The following TAB2 variants were observed in gnomAD, a reference collection of about 807,000 sequenced individuals.
The protein encoded by TAB2 is TGF-beta activated kinase 1 (MAP3K7) binding protein 2, also known as TGF-beta-activated kinase 1 and MAP3K7-binding protein 2.
A neutral mutation model predicts 65.0 loss-of-function variants in TAB2; 3 were observed. That is an observed-to-expected ratio of 0.05 (90% confidence interval 0.02 to 0.12). TAB2 has a LOEUF of 0.12. TAB2 is among the 10% of genes least tolerant of loss of function. The pLI is 1.00. For missense variants in TAB2, 623 were observed against 840.3 expected (o/e 0.74, Z 3.20); for synonymous variants, 298 against 285.1 (o/e 1.05, Z -0.46).
At chr6:149,288,680 T>A (rs1029742672) in intron 1 of TAB2, among the ~76,000 whole-genome samples, 1 of 152,092 alleles carries the variant, frequency 6.6e-6, no homozygotes, top group Non-Finnish European at 1.5e-5. Context: ...TACTAAGCAA[T>A]ACTTGATAGC....
At chr6:149,259,334 T>TACACACAC (rs61261942) in intron 1 of TAB2, among the ~76,000 whole-genome samples, 11,436 of 145,910 alleles carry the variant, frequency 0.078, 632 homozygotes, top group African/African-American at 0.15. Context: ...ACGCTCCCTC[T>TACACACAC]ACACACACAC....
intron 1 of TAB2, among the ~76,000 whole-genome samples, chr6:149,288,859 T>A (rs1778723504): frequency 1.1e-5 from 1 of 87,582 alleles, no homozygotes. Flanking sequence ...TTTTAATTTT[T>A]TTTTTTTTTT....
intron 1 of TAB2, among the ~76,000 whole-genome samples, chr6:149,365,537 T>C (rs1277585977): frequency 6.6e-6 from 1 of 152,200 alleles, no homozygotes; most frequent in Non-Finnish European, 1.5e-5. Flanking sequence ...TCTGTTTCTT[T>C]GGCTGTTTTC....
At chr6:149,303,491 A>G (rs1295483593) in intron 1 of TAB2, among the ~76,000 whole-genome samples, 2 of 152,164 alleles carry the variant, frequency 1.3e-5, no homozygotes, top group Middle Eastern at 3.2e-3. Context: ...TGTTCACATT[A>G]TGTATTTATA....
intron 1 of TAB2, among the ~76,000 whole-genome samples, chr6:149,225,465 C>T (rs967055744): frequency 1.3e-5 from 2 of 152,124 alleles, no homozygotes; most frequent in South Asian, 4.2e-4. Flanking sequence ...CAGAGGTAGT[C>T]CAAGGTTTTT....
chr6:149,266,100 T>C (rs1354890151), intron 1 of TAB2, among the ~76,000 whole-genome samples: 3 of 152,202 alleles, frequency 2.0e-5, no homozygotes, highest in Non-Finnish European at 4.4e-5. Flanking sequence ...CCTTAGAAGA[T>C]AAGTCAAAAC....
At chr6:149,332,337 C>T (rs1439216887) in intron 1 of TAB2, among the ~76,000 whole-genome samples, 1 of 152,148 alleles carries the variant, frequency 6.6e-6, no homozygotes, top group Admixed American at 6.6e-5. Context: ...TTGTTTAAAA[C>T]TATACCTGTG....
chr6:149,247,727 C>T (rs1040692693), intron 1 of TAB2: 3 of 152,234 alleles, frequency 2.0e-5, no homozygotes, highest in Non-Finnish European at 4.4e-5. Context: ...TTTCAGTAAG[C>T]TCGAGCTGTA....
At chr6:149,293,660 T>C (rs1264678776) in intron 1 of TAB2, among the ~76,000 whole-genome samples, 1 of 152,216 alleles carries the variant, frequency 6.6e-6, no homozygotes, top group East Asian at 1.9e-4. Context: ...AGTTAATAAA[T>C]TAGCATTCAT....
At chr6:149,408,447 CACTT>C (rs1300142931) in intron 6 of TAB2, among the ~76,000 whole-genome samples, 1 of 152,132 alleles carries the variant, frequency 6.6e-6, no homozygotes, top group Non-Finnish European at 1.5e-5. Flanking sequence ...TACCAAATAT[CACTT>C]AATTATTTAA....
chr6:149,328,646 G>A (rs1254386785), intron 1 of TAB2, among the ~76,000 whole-genome samples: 2 of 152,146 alleles, frequency 1.3e-5, no homozygotes. Context: ...TTGAGTTCCT[G>A]CTGTGTGCCT....
At chr6:149,275,490 A>G (rs1778455321) in intron 1 of TAB2, among the ~76,000 whole-genome samples, 1 of 152,208 alleles carries the variant, frequency 6.6e-6, no homozygotes, top group East Asian at 1.9e-4. Context: ...AAATAAATTT[A>G]TGGAGAAGAA....
chr6:149,405,107 C>CT (rs1352518645), intron 6 of TAB2, among the ~76,000 whole-genome samples: 1 of 152,022 alleles, frequency 6.6e-6, no homozygotes, highest in East Asian at 1.9e-4. Context: ...GGCAAAGAAC[C>CT]AGAATAGACA....
intron 1 of TAB2, among the ~76,000 whole-genome samples, chr6:149,273,069 C>A (rs1778393008): frequency 2.0e-5 from 3 of 152,024 alleles, no homozygotes; most frequent in African/African-American, 7.2e-5. Flanking sequence ...AATTGCCTTT[C>A]ATGAAACTGG....
At chr6:149,401,217 C>T (rs1054085248) in intron 6 of TAB2, 2 of 166,574 alleles carry the variant, frequency 1.2e-5, no homozygotes, top group African/African-American at 2.4e-5. Context: ...AGAAAGAATC[C>T]TAGAAAGTTT....
chr6:149,307,492 A>G (rs372799491), intron 1 of TAB2, among the ~76,000 whole-genome samples: 3 of 152,040 alleles, frequency 2.0e-5, no homozygotes, highest in African/African-American at 7.3e-5. Flanking sequence ...TGCTGCTCAG[A>G]TTTTTTTGTC....
chr6:149,285,140 T>C (rs771128531), intron 1 of TAB2, among the ~76,000 whole-genome samples: 9 of 152,238 alleles, frequency 5.9e-5, no homozygotes, highest in Non-Finnish European at 1.0e-4. Context: ...CTCTAAGTCA[T>C]GTTTTTAAGA....
At chr6:149,250,941 T>G (rs1200791935) in intron 1 of TAB2, among the ~76,000 whole-genome samples, 1 of 152,242 alleles carries the variant, frequency 6.6e-6, no homozygotes, top group Non-Finnish European at 1.5e-5. Flanking sequence ...CTTCATTGTT[T>G]TCTCCGAAAC....
chr6:149,377,987 T>A (rs767876363), intron 2 of TAB2, 31 bp from the exon 3 acceptor site: 1 of 1,583,472 alleles, frequency 6.3e-7, no homozygotes, highest in Admixed American at 1.7e-5. Flanking sequence ...TTCTGATTGT[T>A]AACATCAATC....
Sources: allele counts gnomAD v4.1 joint callset (sites outside exome capture counted in the v4.1 genomes callset), GRCh38; gene constraint gnomAD v4.1.1; transcripts MANE v1.5; gene names NCBI Gene and HGNC (gene_info 2026-07-23, HGNC 2026-07-21).